TIAM1: variants seen among roughly 807,000 people sequenced by gnomAD.
TIAM1 encodes the protein TIAM Rac1 associated GEF 1.
TIAM1 carries 65 observed loss-of-function variants against 163.5 expected under a neutral mutation model. That is an observed-to-expected ratio of 0.40 (90% confidence interval 0.33 to 0.49). TIAM1 has a LOEUF of 0.49. Ranked by LOEUF, TIAM1 falls within the 20% of genes least tolerant of loss-of-function variation. The pLI, the probability that TIAM1 is intolerant of heterozygous loss-of-function variation, is 0.77. For synonymous variants in TIAM1, 833 were observed against 810.1 expected, an observed-to-expected ratio of 1.03 and a Z score of -0.48; for missense variants, 1,789 against 2,044.7, an observed-to-expected ratio of 0.87 and a Z score of 2.41.
intron 12 of TIAM1, among the ~76,000 whole-genome samples, chr21:31,199,718 A>G (rs1056573791): frequency 1.3e-5 from 2 of 149,536 alleles, no homozygotes; most frequent in African/African-American, 5.1e-5. Flanking sequence ...TTTAGTAGAG[A>G]TGGAGTTTCA....
At chr21:31,239,330 C>T (rs1467816315) in intron 6 of TIAM1, among the ~76,000 whole-genome samples, 2 of 151,934 alleles carry the variant, frequency 1.3e-5, no homozygotes, top group African/African-American at 4.8e-5. Context: ...AGGGTCTTTC[C>T]ATGTTGTCTA....
chr21:31,252,257 A>G, intron 4 of TIAM1, 68 bp from the exon 5 acceptor site: 1 of 1,519,310 alleles, frequency 6.6e-7, no homozygotes, highest in Non-Finnish European at 8.9e-7. Context: ...GGTCACGTGG[A>G]GAAGAGCCCT....
intron 2 of TIAM1, among the ~76,000 whole-genome samples, chr21:31,291,708 A>G (rs1431186180): frequency 6.6e-6 from 1 of 152,170 alleles, no homozygotes; most frequent in East Asian, 1.9e-4. Context: ...TTTTTAGTTG[A>G]GAAAGAGTTT....
At chr21:31,126,196 T>G (rs2082189465) in intron 26 of TIAM1, among the ~76,000 whole-genome samples, 1 of 152,184 alleles carries the variant, frequency 6.6e-6, no homozygotes, top group East Asian at 1.9e-4. Context: ...TATTGTCTTT[T>G]GTAGGTAATC....
intron 2 of TIAM1, among the ~76,000 whole-genome samples, chr21:31,330,268 T>A (rs1327471630): frequency 3.3e-5 from 5 of 152,202 alleles, no homozygotes; most frequent in Admixed American, 2.0e-4. Flanking sequence ...GACTAGCTCA[T>A]TTCTTTTCAG....
chr21:31,233,275 A>C (rs1259921660), intron 6 of TIAM1, among the ~76,000 whole-genome samples: 1 of 152,226 alleles, frequency 6.6e-6, no homozygotes, highest in Non-Finnish European at 1.5e-5. Flanking sequence ...AAAAAAAAAG[A>C]AAGTTACCAT....
At chr21:31,322,501 A>C (rs554778881) in intron 2 of TIAM1, among the ~76,000 whole-genome samples, 1 of 152,052 alleles carries the variant, frequency 6.6e-6, no homozygotes, top group African/African-American at 2.4e-5. Context: ...TGAAGCCTGG[A>C]GAATGACAGC....
chr21:31,470,360 T>C (rs1392754650), intron 1 of TIAM1, among the ~76,000 whole-genome samples: 1 of 146,132 alleles, frequency 6.8e-6, no homozygotes, highest in African/African-American at 2.5e-5. Flanking sequence ...TGAGACAGAG[T>C]TTCACTCTTG....
intron 2 of TIAM1, among the ~76,000 whole-genome samples, chr21:31,441,859 G>C (rs2044427915): frequency 6.9e-6 from 1 of 144,882 alleles, no homozygotes; most frequent in Admixed American, 7.0e-5. Context: ...GACTAGCCTG[G>C]GCAGCATGGT....
chr21:31,325,663 G>C (rs974116003), intron 2 of TIAM1, among the ~76,000 whole-genome samples: 3 of 129,134 alleles, frequency 2.3e-5, no homozygotes, highest in African/African-American at 9.1e-5. Context: ...GCAAGACTCT[G>C]ACTCAAAAAA....
chr21:31,154,285 T>C lies in TIAM1; in HGVS notation c.3133A>G (p.Ile1045Val), dbSNP rs368714272. 3.1e-6 allele frequency: 5 copies of C among 1,613,850 alleles called. No individual in the cohort carries two copies. Among genetic ancestry groups the C allele is most frequent in the Non-Finnish European group, 4.2e-6 (5 of 1,179,990 alleles). Residue 1045 changes from isoleucine to valine, a missense_variant, in exon 17 of 28, where the codon ATC becomes GTC. Physicochemically the swap from Ile to Val is conservative, Grantham distance 29 (BLOSUM62 3). Transcript: ENST00000541036. The stretch of plus-strand genomic sequence containing the variant: ...CGCTCCGTCTCCAGGAGCTCGCAGA[T>C]CACCTTGCGCAGCTTATCTGCATCC... Reference protein sequence around the residue: ...LSDADKLRKVICELLETERTY... With the variant: ...LSDADKLRKVVCELLETERTY...
At chr21:31,475,240 G>T (rs1166284274) in intron 1 of TIAM1, among the ~76,000 whole-genome samples, 1 of 151,698 alleles carries the variant, frequency 6.6e-6, no homozygotes, top group East Asian at 1.9e-4. Context: ...CCTTTGTAGA[G>T]ACAGGGTTTC....
At position 31,473,429 on chromosome 21, in the gene TIAM1, CAAA is replaced by C. The variant is rs56691495; in HGVS notation, c.-421-9397_-421-9395del. 3.1e-3 allele frequency among the ~76,000 whole-genome samples: 233 copies of C among 75,380 alleles called. 1 individual carries two copies. In the East Asian group the frequency reaches 0.05, roughly 16 times the overall value. 49.5% of individuals were successfully genotyped at this position (75,380 alleles called of 152,430 possible). ...TGGGGGACAGATCAAGACTCCATCT[CAAA>C]AAAAAAAAAAAAAAAAAAAAAAAAA... is the stretch of plus-strand genomic sequence containing the variant. On this transcript the variant is annotated intron_variant, in intron 1 of 28. Transcript: ENST00000286827.
At chr21:31,544,329 C>T (rs1286612401) in intron 1 of TIAM1, among the ~76,000 whole-genome samples, 5 of 56,228 alleles carry the variant, frequency 8.9e-5, no homozygotes, top group African/African-American at 2.0e-4. Context: ...AAGCCCATTT[C>T]TTTCTCAAAA....
intron 11 of TIAM1, among the ~76,000 whole-genome samples, chr21:31,207,450 T>A (rs140108506): frequency 1.3e-5 from 2 of 152,170 alleles, no homozygotes; most frequent in East Asian, 3.9e-4. Context: ...ATAACAATAA[T>A]GAAACAAAAG....
intron 1 of TIAM1, among the ~76,000 whole-genome samples, chr21:31,496,217 C>T (rs545269916): frequency 3.3e-5 from 5 of 152,110 alleles, no homozygotes; most frequent in East Asian, 1.9e-4. Context: ...TGGCCAAGCA[C>T]GGTGGCTCAC....
At chr21:31,431,381 G>C (rs9982302) in intron 2 of TIAM1, among the ~76,000 whole-genome samples, 11,683 of 152,168 alleles carry the variant, frequency 0.077, 1,438 homozygotes, top group African/African-American at 0.26. Flanking sequence ...GGGGTGGATG[G>C]GGGTGGGCAA....
At chr21:31,145,442 G>A (rs947117478) in intron 20 of TIAM1, among the ~76,000 whole-genome samples, 3 of 152,208 alleles carry the variant, frequency 2.0e-5, no homozygotes, top group African/African-American at 7.2e-5. Context: ...ACAGCAAGCT[G>A]ATTTCCAGAG....
chr21:31,218,296 G>A (rs1043781301), intron 8 of TIAM1, among the ~76,000 whole-genome samples: 6 of 152,112 alleles, frequency 3.9e-5, no homozygotes, highest in Admixed American at 2.6e-4. Context: ...GGCCAGGTGC[G>A]GTGGCTCATG....
Sources: gnomAD v4.1 joint callset for allele counts (sites outside exome capture counted in the v4.1 genomes callset) on GRCh38, gnomAD v4.1.1 for gene constraint, MANE v1.5 for transcripts, NCBI Gene and HGNC (gene_info 2026-07-23, HGNC 2026-07-21) for gene names.